The following CTNNA2 variants were observed in gnomAD, a reference collection of about 807,000 sequenced individuals.
CTNNA2 encodes the protein catenin alpha 2, also known as catenin alpha-2.
CTNNA2 carries 42 observed loss-of-function variants against 101.0 expected under a neutral mutation model. The ratio of observed to expected loss-of-function variants is 0.42; its 90% confidence interval spans 0.32 to 0.54. The LOEUF is 0.54. Ranked by LOEUF, CTNNA2 falls within the 20% of genes least tolerant of loss-of-function variation. CTNNA2 has a pLI of 0.14. For missense variants in CTNNA2, 871 were observed against 1,223.1 expected, an observed-to-expected ratio of 0.71 and a Z score of 4.29; for synonymous variants, 450 against 456.4, an observed-to-expected ratio of 0.99 and a Z score of 0.18.
At chr2:79,466,751 A>G (rs1026382841) in intron 4 of CTNNA2, among the ~76,000 whole-genome samples, 3 of 152,252 alleles carry the variant, frequency 2.0e-5, no homozygotes, top group African/African-American at 4.8e-5. Flanking sequence ...TCTGCTGCTG[A>G]TACCCAGGAG....
intron 4 of CTNNA2, among the ~76,000 whole-genome samples, chr2:79,484,124 C>G (rs1333093645): frequency 6.6e-6 from 1 of 152,040 alleles, no homozygotes; most frequent in Non-Finnish European, 1.5e-5. Flanking sequence ...GCCTTTCCTG[C>G]AAGCTACTTG....
chr2:79,754,820 T>C (rs900902375), intron 3 of CTNNA2, among the ~76,000 whole-genome samples: 3 of 152,056 alleles, frequency 2.0e-5, no homozygotes, highest in African/African-American at 7.2e-5. Context: ...GGTCTTAGGG[T>C]AAGATTTCAC....
intron 1 of CTNNA2, among the ~76,000 whole-genome samples, chr2:79,619,962 A>G (rs145659436): frequency 1.2e-3 from 187 of 152,306 alleles, no homozygotes; most frequent in Non-Finnish European, 2.0e-3. Context: ...TTAAATTACA[A>G]CAATCTACAA....
intron 2 of CTNNA2, among the ~76,000 whole-genome samples, chr2:79,652,238 ATTT>A (rs201106493): frequency 0.015 from 2,206 of 144,240 alleles, 58 homozygotes; most frequent in African/African-American, 0.051. Flanking sequence ...CTGGGATGTG[ATTT>A]TTTTTTTTTT....
intron 7 of CTNNA2, among the ~76,000 whole-genome samples, chr2:79,941,166 T>C (rs185793470): frequency 2.0e-5 from 3 of 152,234 alleles, no homozygotes; most frequent in African/African-American, 7.2e-5. Flanking sequence ...TTTTGCACCA[T>C]TATTGAAAAA....
At chr2:79,953,534 A>G (rs1351972464) in intron 7 of CTNNA2, among the ~76,000 whole-genome samples, 2 of 152,164 alleles carry the variant, frequency 1.3e-5, no homozygotes, top group African/African-American at 2.4e-5. Context: ...ACACAGGTAG[A>G]TTGTCAAAAT....
At chr2:80,581,266 T>TA (rs755166642) in intron 13 of CTNNA2, among the ~76,000 whole-genome samples, 3 of 152,118 alleles carry the variant, frequency 2.0e-5, no homozygotes, top group Non-Finnish European at 2.9e-5. Context: ...CCTTATGGCT[T>TA]TGTGACCAAA....
chr2:79,755,611 C>A (rs962908556), intron 3 of CTNNA2, among the ~76,000 whole-genome samples: 6 of 152,134 alleles, frequency 3.9e-5, no homozygotes, highest in African/African-American at 1.4e-4. Flanking sequence ...CATGAAAATT[C>A]ATCTTGATAA....
At chr2:79,561,768 TATC>T (rs1674795936) in intron 1 of CTNNA2, among the ~76,000 whole-genome samples, 1 of 151,960 alleles carries the variant, frequency 6.6e-6, no homozygotes, top group South Asian at 2.1e-4. Context: ...TTTGGAGAAA[TATC>T]TATTCAGATC....
chr2:79,214,833 A>G (rs185888406), intron 2 of CTNNA2, among the ~76,000 whole-genome samples: 25 of 151,782 alleles, frequency 1.6e-4, no homozygotes, highest in Middle Eastern at 3.4e-3. Context: ...AAGAGTGCAT[A>G]AAAGTATTGT....
At chr2:80,589,226 T>C in intron 14 of CTNNA2, 78 bp from the exon 15 acceptor site, 3 of 1,446,020 alleles carry the variant, frequency 2.1e-6, no homozygotes. Context: ...GGCTCTGCCA[T>C]CCGCAGAAGG....
chr2:80,570,116 T>C (rs1694449401), intron 12 of CTNNA2, among the ~76,000 whole-genome samples: 1 of 152,132 alleles, frequency 6.6e-6, no homozygotes, highest in Non-Finnish European at 1.5e-5. Flanking sequence ...TGGTGCGATC[T>C]TGGTTCACTG....
intron 1 of CTNNA2, among the ~76,000 whole-genome samples, chr2:79,549,096 A>G (rs531868816): frequency 6.6e-6 from 1 of 152,312 alleles, no homozygotes; most frequent in African/African-American, 2.4e-5. Context: ...CCATCCAAAA[A>G]CAAATTTCTC....
At position 80,303,438 on chromosome 2, in the gene CTNNA2, G is replaced by A. The variant is rs1272717729; in HGVS notation, c.1057-89773G>A. 6.2e-7 allele frequency: 1 copy of A among 1,614,130 alleles called. No individual in the cohort carries two copies. Among genetic ancestry groups the A allele is most frequent in the Non-Finnish European group, 8.5e-7 (1 of 1,180,052 alleles). On this transcript the variant is annotated intron_variant, in intron 7 of 18. Coordinates refer to ENST00000402739, the MANE Select transcript of CTNNA2 (RefSeq NM_001282597.3). The surrounding 1 kb of genome is among the most constrained non-coding windows in gnomAD (Gnocchi z 7.7). ...ATGGGCCGGAAGGTGGTGTTGGGCA[G>A]TTGGGTGATCTGGTTGGAACTCAGC...
At chr2:79,776,515 C>T (rs1323663941) in intron 3 of CTNNA2, among the ~76,000 whole-genome samples, 1 of 152,118 alleles carries the variant, frequency 6.6e-6, no homozygotes, top group African/African-American at 2.4e-5. Flanking sequence ...ATCACTTAGA[C>T]AATTAGGAGA....
At chr2:79,611,268 T>C (rs917916544) in intron 1 of CTNNA2, among the ~76,000 whole-genome samples, 5 of 152,164 alleles carry the variant, frequency 3.3e-5, no homozygotes, top group Non-Finnish European at 5.9e-5. Context: ...GCTTAATATC[T>C]TTTTAATCTT....
At chr2:80,227,535 A>G (rs1708957820) in intron 7 of CTNNA2, among the ~76,000 whole-genome samples, 2 of 152,190 alleles carry the variant, frequency 1.3e-5, no homozygotes, top group African/African-American at 4.8e-5. Flanking sequence ...TTCTCCATAG[A>G]AGCACAGACA....
intron 2 of CTNNA2, among the ~76,000 whole-genome samples, chr2:79,282,413 C>T (rs1044882371): frequency 2.6e-5 from 4 of 152,076 alleles, no homozygotes; most frequent in African/African-American, 4.8e-5. Context: ...CCCGCTCCCC[C>T]CACCCTACAA....
At chr2:79,259,702 C>A (rs1674895358) in intron 2 of CTNNA2, among the ~76,000 whole-genome samples, 1 of 152,178 alleles carries the variant, frequency 6.6e-6, no homozygotes, top group African/African-American at 2.4e-5. Context: ...CTACCTGCAG[C>A]TCTTCCCACC....
Sources: gnomAD v4.1 joint callset for allele counts (sites outside exome capture counted in the v4.1 genomes callset) on GRCh38, gnomAD v4.1.1 for gene constraint, Gnocchi (gnomAD v3.1) non-coding constraint, MANE v1.5 for transcripts, NCBI Gene and HGNC (gene_info 2026-07-23, HGNC 2026-07-21) for gene names.